Variants in PRP4K observed in about 807,000 individuals in gnomAD.
PRP4K encodes the protein pre-mRNA processing factor kinase PRP4K.
the PRP4K span, chr6:4,049,974 A>T: frequency 1.5e-6 from 2 of 1,366,948 alleles, no homozygotes; most frequent in Non-Finnish European, 9.9e-7. Context: ...ACATGATAGA[A>T]TGTGTAAAAC....
At chr6:4,038,919 C>CTTTT in the PRP4K span, among the ~76,000 whole-genome samples, 4 of 144,284 alleles carry the variant, frequency 2.8e-5, no homozygotes, top group East Asian at 4.0e-4. Flanking sequence ...AATTTTTGTG[C>CTTTT]TTTTTTTTTT....
chr6:4,049,157 A>AAG, the PRP4K span: 1 of 1,439,276 alleles, frequency 6.9e-7, no homozygotes, highest in Non-Finnish European at 9.6e-7. Context: ...CACCATGCAA[A>AAG]AGCATGCTGC....
chr6:4,025,537 C>T, the PRP4K span, among the ~76,000 whole-genome samples: 4 of 152,116 alleles, frequency 2.6e-5, no homozygotes, highest in African/African-American at 7.2e-5. Context: ...CTGATTGTAC[C>T]GAGCTGGTAG....
chr6:4,059,401 T>C, the PRP4K span, among the ~76,000 whole-genome samples: 1 of 152,172 alleles, frequency 6.6e-6, no homozygotes, highest in Non-Finnish European at 1.5e-5. Context: ...TCTTCAAGCC[T>C]CAGCTGAAAT....
chr6:4,057,608 AAAGT>A, the PRP4K span, among the ~76,000 whole-genome samples: 5 of 152,302 alleles, frequency 3.3e-5, no homozygotes, highest in South Asian at 2.1e-4. Context: ...GTTATTTGAG[AAAGT>A]AAGGTACCTT....
chr6:4,048,419 ATTC>A, the PRP4K span, among the ~76,000 whole-genome samples: 1 of 151,276 alleles, frequency 6.6e-6, no homozygotes, highest in African/African-American at 2.4e-5. Flanking sequence ...AGTACCATAT[ATTC>A]TTATTTTTCA....
At chr6:4,029,012 C>CT in the PRP4K span, among the ~76,000 whole-genome samples, 5,303 of 131,448 alleles carry the variant, frequency 0.04, 324 homozygotes, top group Non-Finnish European at 0.061. Context: ...TACTTGGAAT[C>CT]TTTTTTTTTT....
At chr6:4,032,827 G>C in the PRP4K span, 2 of 1,407,210 alleles carry the variant, frequency 1.4e-6, no homozygotes, top group African/African-American at 2.9e-5. Context: ...AGAACTTGTG[G>C]ACCATTAAAA....
chr6:4,037,846 C>T, the PRP4K span, among the ~76,000 whole-genome samples: 1 of 150,268 alleles, frequency 6.7e-6, no homozygotes, highest in East Asian at 1.9e-4. Context: ...CTAAATGAGC[C>T]AGACTTAGGG....
chr6:4,052,136 T>G, the PRP4K span: 2 of 1,510,946 alleles, frequency 1.3e-6, no homozygotes, highest in East Asian at 4.7e-5. Flanking sequence ...AAATTTAACT[T>G]CTTCATCTTT....
At chr6:4,060,840 T>C in the PRP4K span, 1 of 540,028 alleles carries the variant, frequency 1.9e-6, no homozygotes, top group Non-Finnish European at 3.3e-6. The surrounding 1 kb of genome is among the most constrained non-coding windows in gnomAD (Gnocchi z 4.7). Context: ...TTGCCAAGAC[T>C]GCACAAAATT....
chr6:4,060,059 T>C, the PRP4K span, among the ~76,000 whole-genome samples: 1 of 152,366 alleles, frequency 6.6e-6, no homozygotes, highest in African/African-American at 2.4e-5. This position sits in a 1 kb window ranked among gnomAD's most constrained non-coding sequence, Gnocchi z 4.7. Flanking sequence ...GATACAGTCA[T>C]GCGTCACATA....
chr6:4,032,418 A>G, the PRP4K span: 2 of 1,614,180 alleles, frequency 1.2e-6, no homozygotes, highest in South Asian at 2.2e-5. Flanking sequence ...TTTAAGAGGT[A>G]AATCCAAAGA....
chr6:4,047,092 A>C, the PRP4K span: 1 of 1,186,196 alleles, frequency 8.4e-7, no homozygotes, highest in Admixed American at 1.9e-5. Flanking sequence ...AGTTTGAATT[A>C]CTATTAATGA....
the PRP4K span, among the ~76,000 whole-genome samples, chr6:4,059,942 G>A: frequency 6.6e-6 from 1 of 152,196 alleles, no homozygotes; most frequent in Admixed American, 6.5e-5. Context: ...ACCGCGCCCA[G>A]CCCAGAGTTG....
chr6:4,064,386 G>A, the PRP4K span: 4 of 152,372 alleles, frequency 2.6e-5, no homozygotes, highest in Admixed American at 2.6e-4. Flanking sequence ...TTTATCATTT[G>A]TAAGCAGAAC....
chr6:4,047,325 A>G, the PRP4K span: 1 of 1,159,610 alleles, frequency 8.6e-7, no homozygotes, highest in Non-Finnish European at 1.3e-6. Flanking sequence ...ATAGAGAAAG[A>G]AGAATAAAGC....
At chr6:4,062,588 G>C in the PRP4K span, 1 of 152,436 alleles carries the variant, frequency 6.6e-6, no homozygotes, top group African/African-American at 2.4e-5. This position sits in a 1 kb window ranked among gnomAD's most constrained non-coding sequence, Gnocchi z 4.2. Flanking sequence ...GCACATTTTG[G>C]TGCATTCAAG....
the PRP4K span, chr6:4,056,215 T>C: frequency 1.4e-6 from 1 of 717,866 alleles, no homozygotes; most frequent in Non-Finnish European, 2.3e-6. Flanking sequence ...AATGTCTTTG[T>C]TCTCAGTATT....
Sources: gnomAD v4.1 joint callset for allele counts (sites outside exome capture counted in the v4.1 genomes callset) on GRCh38, gnomAD v4.1.1 for gene constraint, Gnocchi (gnomAD v3.1) non-coding constraint, MANE v1.5 for transcripts, NCBI Gene and HGNC (gene_info 2026-07-23, HGNC 2026-07-21) for gene names.